The following AUTS2 variants were observed in gnomAD, a reference collection of about 807,000 sequenced individuals.
AUTS2 encodes the protein activator of transcription and developmental regulator AUTS2.
Under a neutral mutation model 112.4 loss-of-function variants are expected in AUTS2, and 17 were observed. That is an observed-to-expected ratio of 0.15 (90% CI 0.10 to 0.23). The LOEUF (loss-of-function observed/expected upper bound fraction) is 0.23, where lower values mean the gene tolerates loss of function less well. Among genes scored for constraint, AUTS2 ranks in the 10% least tolerant of loss-of-function variants. AUTS2 has a pLI of 1.00. For synonymous variants in AUTS2, 751 were observed against 702.7 expected (o/e 1.07, Z -1.09); for missense variants, 1,510 against 1,701.6 (o/e 0.89, Z 1.98).
chr7:69,890,846 C>T (rs1162795008), intron 1 of AUTS2, among the ~76,000 whole-genome samples: 3 of 152,174 alleles, frequency 2.0e-5, no homozygotes, highest in Non-Finnish European at 2.9e-5. Context: ...TGCTCCCAGA[C>T]GTGGTCATCC....
At chr7:70,306,109 G>A (rs1789482562) in intron 4 of AUTS2, among the ~76,000 whole-genome samples, 1 of 152,168 alleles carries the variant, frequency 6.6e-6, no homozygotes, top group Admixed American at 6.5e-5. Context: ...AAACAGACTG[G>A]GTGGTCTTCA....
chr7:69,827,232 G>A (rs1791289223), intron 1 of AUTS2, among the ~76,000 whole-genome samples: 1 of 152,096 alleles, frequency 6.6e-6, no homozygotes, highest in Non-Finnish European at 1.5e-5. Flanking sequence ...TATAAGCAAA[G>A]CGTCTTTTTG....
intron 4 of AUTS2, among the ~76,000 whole-genome samples, chr7:70,310,529 C>T (rs1311339431): frequency 3.3e-5 from 5 of 151,628 alleles, no homozygotes; most frequent in African/African-American, 4.9e-5. Context: ...AGGAGAATGG[C>T]GTGAACCCAG....
chr7:70,516,272 C>G (rs1799414792), intron 5 of AUTS2, among the ~76,000 whole-genome samples: 1 of 151,924 alleles, frequency 6.6e-6, no homozygotes, highest in African/African-American at 2.4e-5. Flanking sequence ...AGCTGCCCCC[C>G]TCCTCCTTCC....
rs3043573 is a variant in AUTS2, at chr7:69,895,543, T to TCCC, written c.310-3735_310-3733dup. On this transcript the variant is annotated intron_variant, in intron 1 of 18. Transcript: ENST00000342771. ...CACTTTGATCCTCTCTCTCTCTTCT[T>TCCC]CCCCCCCCCCGAGTGGAAAATCTCA... Among the ~76,000 whole-genome samples the TCCC allele has an allele frequency of 9.7e-3, 1,276 of 131,802 alleles. 45 individuals carry two copies. The highest frequency in any genetic ancestry group is 0.024 in the African/African-American group (844 of 34,596). 86.5% of individuals were successfully genotyped at this position (131,802 alleles called of 152,430 possible). A position where few individuals can be genotyped will look rare whatever the true frequency, so the allele number is the denominator to read the frequency against.
intron 4 of AUTS2, among the ~76,000 whole-genome samples, chr7:70,183,901 G>A (rs1440405719): frequency 6.8e-6 from 1 of 147,352 alleles, no homozygotes; most frequent in Non-Finnish European, 1.5e-5. Flanking sequence ...AAGCATGCCT[G>A]TAATTTAGTT....
intron 4 of AUTS2, chr7:70,290,435 T>C: frequency 1.3e-6 from 2 of 1,543,788 alleles, no homozygotes; most frequent in Non-Finnish European, 1.7e-6. Context: ...AAGAGGGATG[T>C]CAGCAACACT....
At chr7:70,244,113 G>A (rs2129601538) in intron 4 of AUTS2, among the ~76,000 whole-genome samples, 1 of 152,074 alleles carries the variant, frequency 6.6e-6, no homozygotes. Flanking sequence ...CTATAGAGAA[G>A]TTGGAAAATA....
chr7:70,597,849 G>A (rs980310152), intron 5 of AUTS2, among the ~76,000 whole-genome samples: 4 of 152,158 alleles, frequency 2.6e-5, no homozygotes, highest in African/African-American at 9.7e-5. Context: ...ATGCCACTCT[G>A]TACCTTGACT....
chr7:70,062,227 T>A (rs1037952930), intron 2 of AUTS2, among the ~76,000 whole-genome samples: 13 of 152,060 alleles, frequency 8.5e-5, no homozygotes, highest in Admixed American at 2.6e-4. Context: ...AGACACATAT[T>A]TGGCAGGGCA....
intron 1 of AUTS2, among the ~76,000 whole-genome samples, chr7:69,788,077 T>C (rs932551922): frequency 2.0e-5 from 3 of 152,188 alleles, no homozygotes; most frequent in Non-Finnish European, 2.9e-5. Flanking sequence ...TTGGTGAAGA[T>C]GCCAGAAAAA....
chr7:69,923,437 T>C (rs929282047), intron 2 of AUTS2, among the ~76,000 whole-genome samples: 2 of 152,202 alleles, frequency 1.3e-5, no homozygotes, highest in Non-Finnish European at 2.9e-5. Context: ...GTTTTGGCTT[T>C]TTAAGATTCT....
intron 1 of AUTS2, among the ~76,000 whole-genome samples, chr7:69,603,251 C>CA (rs1414611321): frequency 6.6e-6 from 1 of 152,124 alleles, no homozygotes; most frequent in African/African-American, 2.4e-5. Flanking sequence ...AGTGGAGTAG[C>CA]ATACTTTGTG....
Position 69,831,020 on chromosome 7 carries a change from C to G in AUTS2, c.310-68266C>G, listed in dbSNP as rs924933980. ...GTAGTGAAAGGACAGGAAAGGAAGG[C>G]TTTCATAGACAGCCTGGTACTGGAG... On this transcript the variant is annotated intron_variant, in intron 1 of 18. Transcript: ENST00000342771. 2.6e-5 allele frequency among the ~76,000 whole-genome samples: 4 copies of G among 152,240 alleles called. No homozygotes were observed. In the East Asian group the frequency reaches 5.8e-4, roughly 22 times the overall value.
intron 4 of AUTS2, among the ~76,000 whole-genome samples, chr7:70,309,186 A>G (rs1364022212): frequency 6.6e-6 from 1 of 152,230 alleles, no homozygotes; most frequent in Non-Finnish European, 1.5e-5. Flanking sequence ...TGTAGCTATT[A>G]AAGTGATTTA....
chr7:69,846,315 C>CT (rs1029451415), intron 1 of AUTS2, among the ~76,000 whole-genome samples: 1 of 152,132 alleles, frequency 6.6e-6, no homozygotes, highest in Non-Finnish European at 1.5e-5. Flanking sequence ...TACTTTGTGG[C>CT]TTTTGTTGGG....
intron 4 of AUTS2, among the ~76,000 whole-genome samples, chr7:70,339,712 G>C (rs1000174611): frequency 6.6e-6 from 1 of 152,156 alleles, no homozygotes; most frequent in Admixed American, 6.5e-5. Flanking sequence ...CAACATGTTT[G>C]ACTGATTTAA....
chr7:69,663,257 T>C (rs1795884579), intron 1 of AUTS2: 1 of 152,224 alleles, frequency 6.6e-6, no homozygotes, highest in African/African-American at 2.4e-5. Context: ...TATATTGGTG[T>C]TAAATTGGTA....
chr7:70,759,094 C>A (rs938459563), intron 6 of AUTS2, among the ~76,000 whole-genome samples: 1 of 152,182 alleles, frequency 6.6e-6, no homozygotes, highest in African/African-American at 2.4e-5. Flanking sequence ...GCTTTACTAA[C>A]CCTCTACACT....
Sources: gnomAD v4.1 joint callset for allele counts (sites outside exome capture counted in the v4.1 genomes callset) on GRCh38, gnomAD v4.1.1 for gene constraint, MANE v1.5 for transcripts, NCBI Gene and HGNC (gene_info 2026-07-23, HGNC 2026-07-21) for gene names.